Variants in RTKN2 observed in about 807,000 individuals in gnomAD.
RTKN2 encodes the protein rhotekin-2.
Under a neutral mutation model 71.5 loss-of-function variants are expected in RTKN2, and 69 were observed. That is an observed-to-expected ratio of 0.96 (90% CI 0.79 to 1.18). The LOEUF (loss-of-function observed/expected upper bound fraction) is 1.18. Ranked by LOEUF, RTKN2 falls within the 50% of genes most tolerant of loss-of-function variation. The pLI, the probability that RTKN2 is intolerant of heterozygous loss-of-function variation, is 0.00. For missense variants in RTKN2, 724 were observed against 719.7 expected (o/e 1.01, Z -0.07); for synonymous variants, 236 against 236.5 (o/e 1.00, Z 0.02).
chr10:62,213,205 A>C (rs1208509343), intron 9 of RTKN2, among the ~76,000 whole-genome samples: 1 of 152,194 alleles, frequency 6.6e-6, no homozygotes, highest in African/African-American at 2.4e-5. Flanking sequence ...CCATTATGTG[A>C]AAGATTGTTA....
intron 10 of RTKN2, among the ~76,000 whole-genome samples, chr10:62,202,127 C>G (rs914265797): frequency 6.6e-6 from 1 of 152,116 alleles, no homozygotes; most frequent in African/African-American, 2.4e-5. Context: ...TGCTCCACTC[C>G]TATTGACCAT....
intron 9 of RTKN2, among the ~76,000 whole-genome samples, chr10:62,209,159 C>T (rs1589340915): frequency 6.6e-6 from 1 of 151,716 alleles, no homozygotes; most frequent in African/African-American, 2.4e-5. Context: ...TCCCAGCTAC[C>T]CGGGAGGCTG....
chr10:62,204,962 T>C lies in RTKN2; in HGVS notation c.1081A>G (p.Ile361Val). The C allele has an allele frequency of 6.2e-7, 1 of 1,600,872 alleles. No individual in the cohort carries two copies. Among genetic ancestry groups the C allele is most frequent in the South Asian group, 1.1e-5 (1 of 87,296 alleles). The change falls in exon 10 of 12, where the codon ATC (isoleucine) becomes GTC (valine). Residue 361 changes from isoleucine (I) to valine (V), a missense_variant. Ile to Val is a conservative substitution (Grantham distance 29, BLOSUM62 3). Transcript: ENST00000373789. ...ATAGCTTGTCCAGGAACAGGATTGA[T>C]GACAGAGAAATTATGGATTCTTTTC... ...AKKRIHNFSVINPVPGQAITQ... is the reference protein window; with the variant it reads ...AKKRIHNFSVVNPVPGQAITQ...
chr10:62,186,220 T>C (rs1841134560), intron 8 of RTKN2, among the ~76,000 whole-genome samples: 1 of 152,250 alleles, frequency 6.6e-6, no homozygotes, highest in African/African-American at 2.4e-5. Flanking sequence ...TTTCATTTCA[T>C]CTTGTTTTGT....
At chr10:62,230,035 C>G (rs557273387) in intron 6 of RTKN2, among the ~76,000 whole-genome samples, 1 of 152,224 alleles carries the variant, frequency 6.6e-6, no homozygotes, top group African/African-American at 2.4e-5. Flanking sequence ...GTCTAAATAT[C>G]CCCCAAAGCT....
chr10:62,268,420 C>G, intron 1 of RTKN2, 131 bp downstream of exon 1: 1 of 909,302 alleles, frequency 1.1e-6, no homozygotes, highest in Non-Finnish European at 1.8e-6. Flanking sequence ...TAATCCCTCC[C>G]TTTGTTTCTG....
rs1841254990 is a variant in RTKN2 at position 62,193,353 on chromosome 10, A to AG, written c.*4554dup. 3 of 981,148 alleles carry AG rather than the reference A, an allele frequency of 3.1e-6. No homozygotes were observed. In the South Asian group the frequency reaches 1.4e-4, roughly 46 times the overall value. The allele number at this position is 981,148 out of a possible 1,614,324, so 60.8% of individuals were successfully genotyped here. On this transcript the variant is annotated 3_prime_UTR_variant, in exon 12 of 12. Transcript: ENST00000373789. ...GGAATTTAAAACACAATTTTCCATA[A>AG]GATCTGGAATGATCTTTTCTAATTA...
chr10:62,200,258 G>A (rs1416923429), intron 10 of RTKN2, among the ~76,000 whole-genome samples: 1 of 151,208 alleles, frequency 6.6e-6, no homozygotes, highest in Non-Finnish European at 1.5e-5. Context: ...CGCTACTTGG[G>A]AGGCTGAGGC....
At chr10:62,192,367 C>T (rs1232296848), downstream of RTKN2, among the ~76,000 whole-genome samples, 1 of 152,164 alleles carries the variant, frequency 6.6e-6, no homozygotes, top group East Asian at 1.9e-4. Flanking sequence ...GTCAATAAAA[C>T]ATGCTTTCTG....
At chr10:62,254,519 C>T (rs1021485787) in intron 2 of RTKN2, among the ~76,000 whole-genome samples, 1 of 152,094 alleles carries the variant, frequency 6.6e-6, no homozygotes. Flanking sequence ...CAAAGTAATA[C>T]AATTATTTCA....
At chr10:62,191,374 G>T (rs1156253093), downstream of RTKN2, among the ~76,000 whole-genome samples, 1 of 151,972 alleles carries the variant, frequency 6.6e-6, no homozygotes, top group African/African-American at 2.4e-5. Flanking sequence ...TGAACTCCTG[G>T]GCTCCAGCAA....
intron 1 of RTKN2, among the ~76,000 whole-genome samples, chr10:62,265,961 C>A (rs1842861584): frequency 6.6e-6 from 1 of 152,160 alleles, no homozygotes; most frequent in African/African-American, 2.4e-5. Flanking sequence ...GGACCAAAGA[C>A]AAAAGCTGGT....
intron 2 of RTKN2, 83 bp downstream of exon 2, chr10:62,262,542 T>C: frequency 1.1e-6 from 1 of 911,204 alleles, no homozygotes; most frequent in Non-Finnish European, 1.7e-6. Flanking sequence ...GATTTGACAT[T>C]GGTACTTAAG....
At chr10:62,211,236 G>A (rs531215422) in intron 9 of RTKN2, among the ~76,000 whole-genome samples, 2 of 152,296 alleles carry the variant, frequency 1.3e-5, no homozygotes, top group African/African-American at 4.8e-5. Context: ...GAACATTCTT[G>A]TGAAGTTTTC....
chr10:62,234,494 T>TTAA (rs35320715), intron 6 of RTKN2, among the ~76,000 whole-genome samples: 1 of 142,596 alleles, frequency 7.0e-6, no homozygotes, highest in Non-Finnish European at 1.5e-5. Flanking sequence ...AGACTTGTCT[T>TTAA]AAAAAAAAAA....
At chr10:62,192,996 AAC>A (rs1345829787), downstream of RTKN2, among the ~76,000 whole-genome samples, 2 of 152,178 alleles carry the variant, frequency 1.3e-5, no homozygotes, top group African/African-American at 2.4e-5. Flanking sequence ...ATATACATAA[AAC>A]ACACATTTTA....
At chr10:62,214,031 T>C (rs1228610085) in intron 9 of RTKN2, among the ~76,000 whole-genome samples, 2 of 151,866 alleles carry the variant, frequency 1.3e-5, no homozygotes, top group African/African-American at 2.4e-5. Context: ...AAGCCTGAAG[T>C]AGAAGAACTA....
At chr10:62,259,343 T>A (rs1466338481) in intron 2 of RTKN2, 1 of 254,972 alleles carries the variant, frequency 3.9e-6, no homozygotes, top group African/African-American at 2.3e-5. Flanking sequence ...TCTTTCTCCA[T>A]TTTTAATGTG....
chr10:62,190,349 C>A (rs547046557), downstream of RTKN2, among the ~76,000 whole-genome samples: 28 of 152,280 alleles, frequency 1.8e-4, no homozygotes, highest in African/African-American at 6.7e-4. Flanking sequence ...TCTCCACTTA[C>A]TGGGAGACTG....
Sources: gnomAD v4.1 joint callset for allele counts (sites outside exome capture counted in the v4.1 genomes callset) on GRCh38, gnomAD v4.1.1 for gene constraint, MANE v1.5 for transcripts, NCBI Gene and HGNC (gene_info 2026-07-23, HGNC 2026-07-21) for gene names.